The following SPRED1 variants were observed in gnomAD, a reference collection of about 807,000 sequenced individuals.
SPRED1 encodes sprouty-related, EVH1 domain-containing protein 1.
In SPRED1, 18 loss-of-function variants were observed where a neutral mutation model predicts 52.3. The observed-to-expected ratio is 0.34, with a 90% confidence interval of 0.24 to 0.51. The LOEUF is 0.51. Among genes scored for constraint, SPRED1 ranks in the 20% least tolerant of loss-of-function variants. The probability of loss-of-function intolerance (pLI) is 0.97; values close to 1 mark genes in which losing one functional copy is unlikely to be tolerated. For missense variants in SPRED1, 485 were observed against 551.0 expected, an observed-to-expected ratio of 0.88 and a Z score of 1.20; for synonymous variants, 155 against 179.7, an observed-to-expected ratio of 0.86 and a Z score of 1.10.
intron 1 of SPRED1, among the ~76,000 whole-genome samples, chr15:38,280,243 T>C (rs1894657747): frequency 1.3e-5 from 2 of 152,204 alleles, no homozygotes; most frequent in African/African-American, 4.8e-5. Flanking sequence ...AAATACCTCA[T>C]TTGCCTCCTT....
chr15:38,258,847 G>A (rs1894153120), intron 1 of SPRED1, among the ~76,000 whole-genome samples: 1 of 152,158 alleles, frequency 6.6e-6, no homozygotes. Flanking sequence ...ACCATCTTCT[G>A]TGCAGTATGG....
Position 38,264,432 on chromosome 15 carries a change from G to A in SPRED1, c.32+11215G>A, listed in dbSNP as rs75733201. Among the ~76,000 whole-genome samples the A allele has an allele frequency of 1.0e-2, 1,517 of 152,312 alleles. 13 individuals carry two copies. The highest frequency in any genetic ancestry group is 0.037 in the Middle Eastern group (11 of 294). On this transcript the variant is annotated intron_variant, in intron 1 of 6. Coordinates refer to ENST00000299084, the MANE Select transcript of SPRED1 (RefSeq NM_152594.3). The stretch of plus-strand genomic sequence containing the variant: ...GGTAAAGTTAAAGAGCTTGTAGAGT[G>A]TAAGTGGGAAAAATGGAAAGACAAA...
At chr15:38,315,554 A>G (rs1290105717) in intron 2 of SPRED1, among the ~76,000 whole-genome samples, 1 of 151,926 alleles carries the variant, frequency 6.6e-6, no homozygotes, top group Non-Finnish European at 1.5e-5. Flanking sequence ...AGTTGTAGTT[A>G]CTTAGTAATC....
chr15:38,302,468 C>A (rs1180896808), intron 2 of SPRED1, among the ~76,000 whole-genome samples: 1 of 151,890 alleles, frequency 6.6e-6, no homozygotes, highest in Admixed American at 6.6e-5. Context: ...GAGACTTGTT[C>A]AAGAAGACAT....
intron 2 of SPRED1, among the ~76,000 whole-genome samples, chr15:38,315,436 C>A (rs1294439645): frequency 1.3e-5 from 2 of 151,840 alleles, no homozygotes; most frequent in Non-Finnish European, 2.9e-5. Flanking sequence ...GCACTTACAC[C>A]CATTTTTGGC....
intron 1 of SPRED1, among the ~76,000 whole-genome samples, chr15:38,288,813 G>T (rs985455699): frequency 6.6e-6 from 1 of 151,686 alleles, no homozygotes; most frequent in East Asian, 1.9e-4. Context: ...CTTTTCTTTA[G>T]TACTCAATAT....
intron 5 of SPRED1, among the ~76,000 whole-genome samples, chr15:38,340,245 C>T (rs1213221572): frequency 6.6e-6 from 1 of 152,098 alleles, no homozygotes; most frequent in African/African-American, 2.4e-5. Context: ...TAAGAATAAC[C>T]TTGTGTTCCT....
At chr15:38,293,574 T>C (rs1004443502) in intron 1 of SPRED1, among the ~76,000 whole-genome samples, 1 of 152,202 alleles carries the variant, frequency 6.6e-6, no homozygotes, top group African/African-American at 2.4e-5. Context: ...TGAAGAAATA[T>C]CTCCTTCATT....
At chr15:38,314,462 A>G (rs1271252922) in intron 2 of SPRED1, among the ~76,000 whole-genome samples, 1 of 151,898 alleles carries the variant, frequency 6.6e-6, no homozygotes, top group African/African-American at 2.4e-5. Flanking sequence ...TATAATGTCA[A>G]GTTTAATTCC....
intron 1 of SPRED1, among the ~76,000 whole-genome samples, chr15:38,270,348 T>C (rs908067532): frequency 6.6e-6 from 1 of 152,234 alleles, no homozygotes; most frequent in African/African-American, 2.4e-5. Flanking sequence ...TTTTCCAAAA[T>C]GTGGAATTTG....
rs1161763230 is a variant in SPRED1, at chr15:38,352,502, T to G, written c.*838T>G. ...GTTCTGATGGGAACGTAACACTTAT[T>G]TTTATATAAAAAGAGACTGAGTAAA... On this transcript the variant is annotated 3_prime_UTR_variant, in exon 7 of 7. Coordinates refer to ENST00000299084, the MANE Select transcript of SPRED1 (RefSeq NM_152594.3). 6.6e-6 allele frequency: 1 copy of G among 152,520 alleles called. No individual in the cohort carries two copies. The highest frequency in any genetic ancestry group is 2.4e-5 in the African/African-American group (1 of 41,438). The allele number at this position is 152,520 out of a possible 1,614,324, so 9.4% of individuals were successfully genotyped here. A position where few individuals can be genotyped will look rare whatever the true frequency, so the allele number is the denominator to read the frequency against.
chr15:38,337,676 A>G (rs1895948692), intron 4 of SPRED1, among the ~76,000 whole-genome samples: 1 of 152,172 alleles, frequency 6.6e-6, no homozygotes. Context: ...AACCCAACTC[A>G]GTACAGCAAG....
At chr15:38,269,529 G>A (rs978024411) in intron 1 of SPRED1, among the ~76,000 whole-genome samples, 2 of 152,176 alleles carry the variant, frequency 1.3e-5, no homozygotes, top group African/African-American at 4.8e-5. Context: ...TCACAGGTGT[G>A]AGCCACCATG....
intron 1 of SPRED1, among the ~76,000 whole-genome samples, chr15:38,292,375 T>G (rs2140972983): frequency 6.6e-6 from 1 of 152,332 alleles, no homozygotes; most frequent in South Asian, 2.1e-4. Context: ...TTCCACATTT[T>G]TGGGTATCTT....
At chr15:38,326,298 C>G (rs1406521689) in intron 4 of SPRED1, 2 of 152,124 alleles carry the variant, frequency 1.3e-5, no homozygotes, top group African/African-American at 4.8e-5. Context: ...AGCTGTTTGC[C>G]TGATTTCTTC....
chr15:38,339,648 T>G, intron 4 of SPRED1, 89 bp from the exon 5 acceptor site: 1 of 1,389,858 alleles, frequency 7.2e-7, no homozygotes, highest in East Asian at 2.3e-5. Flanking sequence ...ATTGACTTGC[T>G]AAATACTTTT....
chr15:38,281,686 C>T (rs1223809251), intron 1 of SPRED1, among the ~76,000 whole-genome samples: 1 of 150,944 alleles, frequency 6.6e-6, no homozygotes, highest in African/African-American at 2.4e-5. Context: ...CATAAGCTAC[C>T]GTGCCTGGCC....
At position 38,265,309 on chromosome 15, in the gene SPRED1, A is replaced by G. The variant is rs373676897; in HGVS notation, c.32+12092A>G. On this transcript the variant is annotated intron_variant, in intron 1 of 6. Transcript: ENST00000299084. ...CTACAATAACATTTTTTGATTAGAG[A>G]TAAAAGAATATTAAACAGAACTTTT... 5.3e-5 allele frequency among the ~76,000 whole-genome samples: 8 copies of G among 152,306 alleles called. No individual in the cohort carries two copies. In the East Asian group the frequency reaches 5.8e-4, roughly 11 times the overall value.
chr15:38,331,782 G>T (rs1474663542), intron 4 of SPRED1, among the ~76,000 whole-genome samples: 7 of 152,008 alleles, frequency 4.6e-5, no homozygotes, highest in African/African-American at 1.7e-4. Context: ...CAATTAAGGG[G>T]TTTTCAGTTG....
Sources: allele counts gnomAD v4.1 joint callset (sites outside exome capture counted in the v4.1 genomes callset), GRCh38; gene constraint gnomAD v4.1.1; transcripts MANE v1.5; gene names NCBI Gene and HGNC (gene_info 2026-07-23, HGNC 2026-07-21).